The following GBE1 variants were observed in gnomAD, a reference collection of about 807,000 sequenced individuals.
GBE1 encodes 1,4-alpha-glucan-branching enzyme.
In GBE1, 70 loss-of-function variants were observed where a neutral mutation model predicts 88.8. The ratio of observed to expected loss-of-function variants is 0.79; its 90% CI spans 0.65 to 0.96. The LOEUF (loss-of-function observed/expected upper bound fraction) is 0.96. Among genes scored for constraint, GBE1 ranks in the 40% least tolerant of loss-of-function variants. GBE1 has a pLI of 0.00. For missense variants in GBE1, 872 were observed against 871.0 expected (o/e 1.00, Z -0.01); for synonymous variants, 284 against 300.1 (o/e 0.95, Z 0.56).
In GBE1 at chr3:81,649,797, T is replaced by G. The variant is rs765411151; in HGVS notation, c.554A>C (p.Glu185Ala). The G allele has an allele frequency of 1.9e-6, 3 of 1,604,736 alleles. No homozygotes were observed. In the Admixed American group the frequency reaches 5.1e-5, roughly 27 times the overall value. The change falls in exon 4 of 16, where the codon GAG becomes GCG. Residue 185 changes from glutamate (E) to alanine (A), a missense_variant and splice_region_variant. Physicochemically the swap from Glu to Ala is moderately radical, Grantham distance 107. Coordinates refer to ENST00000429644, the MANE Select transcript of GBE1 (RefSeq NM_000158.4). ...WIHWDPEHSY[E>A]FKHSRPKKPR... ...TATTTAAAGATTTGTTGTTCTCACC[T>G]CATATGAGTGTTCTGGATCCCAGTG... is the stretch of plus-strand genomic sequence containing the variant.
At chr3:81,678,915 A>G (rs1038691697) in intron 2 of GBE1, among the ~76,000 whole-genome samples, 2 of 152,204 alleles carry the variant, frequency 1.3e-5, no homozygotes, top group African/African-American at 4.8e-5. Flanking sequence ...AATAAGGATG[A>G]TAAGAGTTAT....
intron 7 of GBE1, among the ~76,000 whole-genome samples, chr3:81,641,293 G>T (rs1704674532): frequency 6.6e-6 from 1 of 151,988 alleles, no homozygotes; most frequent in African/African-American, 2.4e-5. Flanking sequence ...TGAATTTCTT[G>T]GGCATATTCT....
intron 7 of GBE1, among the ~76,000 whole-genome samples, chr3:81,631,617 T>C (rs1704511658): frequency 6.6e-6 from 1 of 150,860 alleles, no homozygotes. Context: ...TGTGGTGGTG[T>C]GCACCTGTAG....
At chr3:81,608,214 T>G (rs1018159299) in intron 7 of GBE1, among the ~76,000 whole-genome samples, 4 of 152,172 alleles carry the variant, frequency 2.6e-5, no homozygotes, top group Non-Finnish European at 5.9e-5. Flanking sequence ...AGAAGGAATT[T>G]GTAACCTCAA....
At chr3:81,647,023 C>A (rs982773225) in intron 5 of GBE1, among the ~76,000 whole-genome samples, 1 of 142,002 alleles carries the variant, frequency 7.0e-6, no homozygotes, top group Non-Finnish European at 1.5e-5. Context: ...GTGGCTTGAT[C>A]TCAGCTCACT....
intron 6 of GBE1, among the ~76,000 whole-genome samples, chr3:81,644,713 A>T (rs977744083): frequency 2.0e-5 from 3 of 152,170 alleles, no homozygotes; most frequent in African/African-American, 7.2e-5. Flanking sequence ...GGTAGAACAA[A>T]GGTAAGAGAA....
At chr3:81,699,854 A>C (rs1454515825) in intron 2 of GBE1, among the ~76,000 whole-genome samples, 1 of 152,238 alleles carries the variant, frequency 6.6e-6, no homozygotes, top group Admixed American at 6.5e-5. Context: ...GTTGACACTC[A>C]GTATTAACCA....
chr3:81,524,037 T>C (rs1382808418), intron 14 of GBE1, among the ~76,000 whole-genome samples: 20 of 151,796 alleles, frequency 1.3e-4, no homozygotes, highest in Admixed American at 3.3e-4. Context: ...CTGGATCATA[T>C]GGTAGTTATA....
At chr3:81,527,864 TG>T (rs1298746849) in intron 14 of GBE1, among the ~76,000 whole-genome samples, 1 of 152,090 alleles carries the variant, frequency 6.6e-6, no homozygotes, top group Non-Finnish European at 1.5e-5. Flanking sequence ...ATCCCATTAC[TG>T]GGTATATACC....
At chr3:81,636,269 TAATC>T (rs1360437456) in intron 7 of GBE1, among the ~76,000 whole-genome samples, 1 of 152,194 alleles carries the variant, frequency 6.6e-6, no homozygotes. Context: ...CTGTTCTCCT[TAATC>T]AAGCTGAAAT....
chr3:81,643,695 T>C (rs1172061374), intron 6 of GBE1, among the ~76,000 whole-genome samples: 1 of 152,176 alleles, frequency 6.6e-6, no homozygotes, highest in East Asian at 1.9e-4. Context: ...CTGTCTCTCT[T>C]CCTCACTCGA....
At chr3:81,716,542 C>T (rs1271683618) in intron 1 of GBE1, among the ~76,000 whole-genome samples, 1 of 152,058 alleles carries the variant, frequency 6.6e-6, no homozygotes, top group African/African-American at 2.4e-5. Context: ...TAACAAAAAA[C>T]TGGACAAAGC....
chr3:81,698,276 C>T (rs998172289), intron 2 of GBE1, among the ~76,000 whole-genome samples: 1 of 151,770 alleles, frequency 6.6e-6, no homozygotes, highest in African/African-American at 2.4e-5. Context: ...ACACACAAAA[C>T]AGTAAACATG....
At position 81,515,647 on chromosome 3, in the gene GBE1, T is replaced by C. The variant is rs185431621; in HGVS notation, c.1935-16420A>G. 6.6e-5 allele frequency among the ~76,000 whole-genome samples: 10 copies of C among 151,746 alleles called. No individual in the cohort carries two copies. In the East Asian group the frequency reaches 1.7e-3, roughly 26 times the overall value. The stretch of plus-strand genomic sequence containing the variant: ...GATTAAGCTTAGTGAGAAAGGCATG[T>C]TCAAAGTTGAGACAGGACAAAGGCT... On this transcript the variant is annotated intron_variant, in intron 14 of 15. Transcript: ENST00000429644.
At chr3:81,664,149 G>A (rs1048337274) in intron 3 of GBE1, among the ~76,000 whole-genome samples, 1 of 152,184 alleles carries the variant, frequency 6.6e-6, no homozygotes, top group Non-Finnish European at 1.5e-5. Context: ...TAGGGGCAGA[G>A]AGGATGAAGA....
At chr3:81,732,087 T>C (rs895979713) in intron 1 of GBE1, among the ~76,000 whole-genome samples, 1 of 152,182 alleles carries the variant, frequency 6.6e-6, no homozygotes, top group Non-Finnish European at 1.5e-5. Flanking sequence ...GTCTGCTTTG[T>C]TTATTCCTAT....
At chr3:81,494,782 G>A (rs1036137812) in intron 15 of GBE1, among the ~76,000 whole-genome samples, 1 of 152,058 alleles carries the variant, frequency 6.6e-6, no homozygotes, top group Non-Finnish European at 1.5e-5. Flanking sequence ...CAGTTATTTT[G>A]ACAACTTTAA....
At chr3:81,605,744 G>T (rs1704093971) in intron 7 of GBE1, among the ~76,000 whole-genome samples, 1 of 152,066 alleles carries the variant, frequency 6.6e-6, no homozygotes. Context: ...GCCATGTAAG[G>T]TCTCAGCGTT....
intron 12 of GBE1, among the ~76,000 whole-genome samples, chr3:81,546,176 G>A (rs1046620799): frequency 1.3e-5 from 2 of 151,572 alleles, no homozygotes; most frequent in Admixed American, 6.6e-5. Context: ...ATACCCCAGT[G>A]GAAAAGTAGA....
Sources: gnomAD v4.1 joint callset for allele counts (sites outside exome capture counted in the v4.1 genomes callset) on GRCh38, gnomAD v4.1.1 for gene constraint, MANE v1.5 for transcripts, NCBI Gene and HGNC (gene_info 2026-07-23, HGNC 2026-07-21) for gene names.